RBFOX1: variants seen among roughly 807,000 people sequenced by gnomAD.
RBFOX1 encodes RNA binding protein fox-1 homolog 1.
In RBFOX1, 8 loss-of-function variants were observed where a neutral mutation model predicts 57.7. The ratio of observed to expected loss-of-function variants is 0.14; its 90% confidence interval spans 0.08 to 0.25. The LOEUF is 0.25. RBFOX1 is among the 10% of genes least tolerant of loss of function. The pLI is 1.00. For synonymous variants in RBFOX1, 326 were observed against 222.4 expected, an observed-to-expected ratio of 1.47 and a Z score of -4.15; for missense variants, 611 against 548.5, an observed-to-expected ratio of 1.11 and a Z score of -1.14.
intron 5 of RBFOX1, among the ~76,000 whole-genome samples, chr16:7,567,164 C>CAT (rs1191274167): frequency 1.4e-5 from 2 of 142,278 alleles, no homozygotes; most frequent in Admixed American, 7.0e-5. Flanking sequence ...TATATATATC[C>CAT]ATATATATAT....
intron 1 of RBFOX1, among the ~76,000 whole-genome samples, chr16:5,403,022 G>A (rs1250230799): frequency 2.6e-5 from 4 of 152,130 alleles, no homozygotes; most frequent in African/African-American, 7.2e-5. Context: ...ATGCACACAC[G>A]TATACACAAA....
intron 3 of RBFOX1, among the ~76,000 whole-genome samples, chr16:6,849,283 A>G (rs369609886): frequency 3.3e-5 from 5 of 152,334 alleles, no homozygotes; most frequent in African/African-American, 1.2e-4. Context: ...AGCTCCTGCA[A>G]TATTCTGCTC....
At chr16:5,403,149 C>T (rs1365604300) in intron 1 of RBFOX1, among the ~76,000 whole-genome samples, 1 of 151,904 alleles carries the variant, frequency 6.6e-6, no homozygotes, top group Non-Finnish European at 1.5e-5. Context: ...TTGGGAGTTC[C>T]AGACCAGCCT....
intron 2 of RBFOX1, among the ~76,000 whole-genome samples, chr16:5,589,500 G>A (rs1318018303): frequency 2.0e-5 from 3 of 152,216 alleles, no homozygotes; most frequent in Middle Eastern, 6.8e-3. Context: ...GAGGATAGAA[G>A]GTAAGTATCT....
At chr16:5,989,364 A>C (rs1487520514) in intron 4 of RBFOX1, among the ~76,000 whole-genome samples, 1 of 151,980 alleles carries the variant, frequency 6.6e-6, no homozygotes, top group African/African-American at 2.4e-5. Flanking sequence ...AAAAAACCCC[A>C]AAAAACTTAA....
intron 5 of RBFOX1, among the ~76,000 whole-genome samples, chr16:7,566,946 A>G (rs964931248): frequency 3.3e-5 from 5 of 151,966 alleles, no homozygotes; most frequent in African/African-American, 1.2e-4. Flanking sequence ...GAACAAAGAA[A>G]TCGATTAAGA....
intron 5 of RBFOX1, among the ~76,000 whole-genome samples, chr16:7,535,897 T>G (rs2081348561): frequency 6.6e-6 from 1 of 152,236 alleles, no homozygotes; most frequent in Admixed American, 6.5e-5. Context: ...TGTGTATTGT[T>G]CATTTATTCC....
intron 2 of RBFOX1, among the ~76,000 whole-genome samples, chr16:6,537,774 C>T (rs921022152): frequency 1.3e-5 from 2 of 152,066 alleles, no homozygotes; most frequent in African/African-American, 4.8e-5. Flanking sequence ...CTGAAGACCA[C>T]CAAATAGTGC....
chr16:7,239,885 C>G (rs1400143165), intron 4 of RBFOX1, among the ~76,000 whole-genome samples: 2 of 133,536 alleles, frequency 1.5e-5, no homozygotes, highest in African/African-American at 5.3e-5. Context: ...GTTCGTTGTG[C>G]TAAAAGGAAC....
At chr16:6,777,766 A>G (rs931644344) in intron 3 of RBFOX1, among the ~76,000 whole-genome samples, 1 of 152,178 alleles carries the variant, frequency 6.6e-6, no homozygotes, top group Non-Finnish European at 1.5e-5. Context: ...GAAGTTGAAT[A>G]TGATGAGAAA....
Position 5,917,066 on chromosome 16 carries a change from G to GCAGGCGTGGCCCCACTTGAA in RBFOX1, c.351+49733_351+49752dup, listed in dbSNP as rs1164006533. On this transcript the variant is annotated intron_variant, in intron 4 of 19. Coordinates refer to the RBFOX1 transcript ENST00000641259. Reference sequence around the variant, plus strand: ...GCCCTTTCTCCCTTCACCGCACCCTGCAGGCGTGGCCCCACTTGAACCTGC... The same window carrying GCAGGCGTGGCCCCACTTGAA: ...GCCCTTTCTCCCTTCACCGCACCCTGCAGGCGTGGCCCCACTTGAACAGGCGTGGCCCCACTTGAACCTGC... Among the ~76,000 whole-genome samples the GCAGGCGTGGCCCCACTTGAA allele has an allele frequency of 4.6e-5, 7 of 152,206 alleles. No individual in the cohort carries two copies. In the East Asian group the frequency reaches 1.4e-3, roughly 30 times the overall value.
intron 2 of RBFOX1, among the ~76,000 whole-genome samples, chr16:6,565,731 G>A (rs1457344256): frequency 1.3e-5 from 2 of 152,208 alleles, no homozygotes; most frequent in Non-Finnish European, 2.9e-5. Context: ...GCTTTCCAAA[G>A]TGCTGGGATT....
At chr16:5,642,733 G>A (rs1375839955) in intron 3 of RBFOX1, among the ~76,000 whole-genome samples, 1 of 152,084 alleles carries the variant, frequency 6.6e-6, no homozygotes, top group Non-Finnish European at 1.5e-5. Context: ...TGTGCTCCCG[G>A]GAGGGGCCTC....
intron 4 of RBFOX1, among the ~76,000 whole-genome samples, chr16:7,273,943 G>C (rs978683731): frequency 6.6e-6 from 1 of 152,106 alleles, no homozygotes. Flanking sequence ...AGTATTACTG[G>C]TCTATAATAC....
chr16:5,657,241 G>A (rs2049460263), intron 3 of RBFOX1, among the ~76,000 whole-genome samples: 1 of 152,144 alleles, frequency 6.6e-6, no homozygotes, highest in African/African-American at 2.4e-5. Context: ...AGCCATATAT[G>A]GTCTTAGAAC....
intron 2 of RBFOX1, among the ~76,000 whole-genome samples, chr16:5,487,214 G>A (rs114124399): frequency 6.6e-6 from 1 of 152,132 alleles, no homozygotes; most frequent in Non-Finnish European, 1.5e-5. Flanking sequence ...ATAATTATCT[G>A]GCTATTGTCC....
At chr16:6,656,155 G>C (rs68174247) in intron 3 of RBFOX1, among the ~76,000 whole-genome samples, 10,730 of 152,162 alleles carry the variant, frequency 0.071, 473 homozygotes, top group Non-Finnish European at 0.11. Context: ...TGAAGCGTGT[G>C]TCCAAAGTCT....
intron 3 of RBFOX1, among the ~76,000 whole-genome samples, chr16:5,745,806 T>G (rs1421384046): frequency 6.6e-6 from 1 of 152,208 alleles, no homozygotes; most frequent in Non-Finnish European, 1.5e-5. Flanking sequence ...TCTTGTAAAT[T>G]TGTTTGAGTT....
In RBFOX1 at chr16:5,459,656, A is replaced by G. The variant is rs77665786; in HGVS notation, c.220-7560A>G. 6.9e-3 allele frequency among the ~76,000 whole-genome samples: 1,050 copies of G among 152,180 alleles called. 8 individuals are homozygous for G. The highest frequency in any genetic ancestry group is 0.011 in the Non-Finnish European group (717 of 68,006). On this transcript the variant is annotated intron_variant, in intron 1 of 2. Coordinates refer to the RBFOX1 transcript ENST00000585867. ...TTAATAAGAATCGTCCTTCACCAAA[A>G]AAGCAAGTCGGGAAATGAGAGGTCA...
Sources: allele counts gnomAD v4.1 joint callset (sites outside exome capture counted in the v4.1 genomes callset), GRCh38; gene constraint gnomAD v4.1.1; transcripts MANE v1.5; gene names NCBI Gene and HGNC (gene_info 2026-07-23, HGNC 2026-07-21).